Variants in PRDM7 observed in about 807,000 individuals in gnomAD.
PRDM7 encodes the protein histone-lysine N-methyltransferase PRDM7.
In PRDM7, 52 loss-of-function variants were observed where a neutral mutation model predicts 64.3. The ratio of observed to expected loss-of-function variants is 0.81; its 90% CI spans 0.65 to 1.02. PRDM7 has a LOEUF of 1.02. Ranked by LOEUF, PRDM7 falls within the 50% of genes least tolerant of loss-of-function variation. The pLI, the probability that PRDM7 is intolerant of heterozygous loss-of-function variation, is 0.00. For missense variants in PRDM7, 574 were observed against 597.1 expected, an observed-to-expected ratio of 0.96 and a Z score of 0.40; for synonymous variants, 192 against 210.1, an observed-to-expected ratio of 0.91 and a Z score of 0.74.
At position 90,075,539 on chromosome 16, in the gene PRDM7, A is replaced by G; in HGVS notation, c.70-65T>C. ...CACATCGAGCTGGTCCTTTTCCTCT[A>G]CCCTGCGTGTAGGGCATAGCCTGGG... On this transcript the variant is annotated intron_variant, in intron 2 of 10. Transcript: ENST00000449207. This position sits in a 1 kb window ranked among gnomAD's most constrained non-coding sequence, Gnocchi z 4.3. 6.2e-7 allele frequency: 1 copy of G among 1,613,164 alleles called. No homozygotes were observed. Among genetic ancestry groups the G allele is most frequent in the South Asian group, 1.1e-5 (1 of 90,932 alleles).
In PRDM7 at chr16:90,074,660, G is replaced by A. The variant is rs531739369; in HGVS notation, c.301+256C>T. Among the ~76,000 whole-genome samples the A allele has an allele frequency of 4.6e-5, 7 of 152,134 alleles. No homozygotes were observed. The South Asian group carries it at 6.2e-4, about 14-fold the overall frequency. ...AGGCCAAGGTGGGTAGATCACCTGA[G>A]GTCAGGAGTTCGAGACCAGCCTGAC... On this transcript the variant is annotated intron_variant, in intron 4 of 10. Transcript: ENST00000449207.
chr16:90,075,424 C>T lies in PRDM7; in HGVS notation c.120G>A (p.Trp40Ter). 1.2e-6 allele frequency: 2 copies of T among 1,614,170 alleles called. No individual in the cohort carries two copies. Among genetic ancestry groups the T allele is most frequent in the Non-Finnish European group, 1.7e-6 (2 of 1,180,038 alleles). Residue 40 changes from tryptophan to a stop codon, truncating the protein, a stop_gained, in exon 3 of 11, where the codon TGG becomes TGA. Transcript: ENST00000449207. LOFTEE classifies it high-confidence loss of function. The surrounding 1 kb of genome is among the most constrained non-coding windows in gnomAD (Gnocchi z 4.3). ...TTTTCTCCCAGTCTCCCATTTCTGC[C>T]CATTCTTCCTTGGTGAAGTATATGG... ...DISIYFTKEE[W>*]AEMGDWEKTR...
At chr16:90,062,351 G>GT (rs772070705) in intron 7 of PRDM7, 50 bp downstream of exon 7, 1 of 1,613,666 alleles carries the variant, frequency 6.2e-7, no homozygotes, top group Non-Finnish European at 8.5e-7. Flanking sequence ...TGAAATTATT[G>GT]TACCAGGACA....
rs1208987576 is a variant in PRDM7, at chr16:90,066,855, ACTTAC to A, written c.351+1_351+5del. On this transcript the variant is annotated splice_donor_variant and splice_donor_5th_base_variant and intron_variant, in intron 5 of 10. Transcript: ENST00000449207. LOFTEE classifies it high-confidence loss of function. Reference sequence around the variant, plus strand: ...TTCTTGTCAACAGGATTTGGGAGATACTTACCTTCTGGTGTTTACTCTGTTCTCCT... The same window carrying A: ...TTCTTGTCAACAGGATTTGGGAGATACTTCTGGTGTTTACTCTGTTCTCCT... 6.3e-7 allele frequency: 1 copy of A among 1,582,762 alleles called. No individual in the cohort carries two copies. The highest frequency in any genetic ancestry group is 8.7e-7 in the Non-Finnish European group (1 of 1,154,006).
chr16:90,066,218 C>G (rs2037870167), intron 5 of PRDM7, among the ~76,000 whole-genome samples: 4 of 151,384 alleles, frequency 2.6e-5, no homozygotes, highest in Admixed American at 2.6e-4. Context: ...GCTGCTTCCT[C>G]TGATCAGAAT....
Position 90,058,131 on chromosome 16 carries a change from TACCCCC to T in PRDM7, c.*152_*157del. 4 of 1,614,232 alleles carry T rather than the reference TACCCCC, an allele frequency of 2.5e-6. No individual in the cohort carries two copies. The South Asian group carries it at 3.3e-5, about 13-fold the overall frequency. On this transcript the variant is annotated 3_prime_UTR_variant, in exon 11 of 11. Transcript: ENST00000449207. Reference sequence around the variant, plus strand: ...TGACTTTCGCAATTCTTGAGATTCCTACCCCCACAAATAATTTGCCTGTGTTCCCTG... The same window carrying T: ...TGACTTTCGCAATTCTTGAGATTCCTACAAATAATTTGCCTGTGTTCCCTG...
rs2037704178 is a variant in PRDM7, at chr16:90,057,599, C to A, written c.*690G>T. 2 of 757,838 alleles carry A rather than the reference C, an allele frequency of 2.6e-6. No individual in the cohort carries two copies. Among genetic ancestry groups the A allele is most frequent in the South Asian group, 4.7e-5 (2 of 42,754 alleles). The allele number at this position is 757,838 out of a possible 1,614,324, so 46.9% of individuals were successfully genotyped here. ...AAATGGAGGGGATCAGTGCGGGAAA[C>A]AACCACACATGTTGACGTCCCCCGA... On this transcript the variant is annotated 3_prime_UTR_variant, in exon 11 of 11. Coordinates refer to ENST00000449207, the MANE Select transcript of PRDM7 (RefSeq NM_001098173.2).
intron 4 of PRDM7, among the ~76,000 whole-genome samples, chr16:90,067,754 C>A (rs1294773476): frequency 6.6e-6 from 1 of 150,576 alleles, no homozygotes. Context: ...CCACGCCCAG[C>A]TAATTTTTTG....
In PRDM7 at chr16:90,062,411, A is replaced by T; in HGVS notation, c.600T>A (p.Asp200Glu). ...AYKEISEPQD[D>E]DYLYCEMCQN... ...GAAAGGGTCACTCACAGAGGTAGTC[A>T]TCATCCTGTGGCTCGCTGATCTCTT... The change falls in exon 7 of 11, where the codon GAT (aspartate) becomes GAA (glutamate). Residue 200 changes from aspartate to glutamate, a missense_variant. By Grantham distance (45) the Asp-to-Glu change is conservative. Coordinates refer to ENST00000449207, the MANE Select transcript of PRDM7 (RefSeq NM_001098173.2). The T allele has an allele frequency of 3.1e-6, 5 of 1,614,122 alleles. No individual in the cohort carries two copies. Among genetic ancestry groups the T allele is most frequent in the Non-Finnish European group, 4.2e-6 (5 of 1,179,946 alleles).
intron 6 of PRDM7, among the ~76,000 whole-genome samples, chr16:90,063,300 C>T (rs530624967): frequency 2.0e-5 from 3 of 152,178 alleles, no homozygotes; most frequent in South Asian, 2.1e-4. Context: ...CAGCCGGGCA[C>T]GGTGGTGCAC....
chr16:90,071,917 G>A (rs1403966151), intron 4 of PRDM7, among the ~76,000 whole-genome samples: 1 of 152,164 alleles, frequency 6.6e-6, no homozygotes, highest in African/African-American at 2.4e-5. Flanking sequence ...TAAAGGCTGG[G>A]CGCGGTGGCT....
chr16:90,057,858 C>A lies in PRDM7; in HGVS notation c.*431G>T, dbSNP rs1430865001. ...ATGACTTACTCATCCTTCCTGCAGACTGGGGCGTCTCCCCTGTGTGTCCTC... is the reference window on the plus strand; with the variant it reads ...ATGACTTACTCATCCTTCCTGCAGAATGGGGCGTCTCCCCTGTGTGTCCTC... On this transcript the variant is annotated 3_prime_UTR_variant, in exon 11 of 11. Coordinates refer to ENST00000449207, the MANE Select transcript of PRDM7 (RefSeq NM_001098173.2). 2 of 1,523,350 alleles carry A rather than the reference C, an allele frequency of 1.3e-6. No individual in the cohort carries two copies. Among genetic ancestry groups the A allele is most frequent in the Non-Finnish European group, 1.8e-6 (2 of 1,122,140 alleles). The allele number at this position is 1,523,350 out of a possible 1,614,324, so 94.4% of individuals were successfully genotyped here.
At chr16:90,062,335 A>C in intron 7 of PRDM7, 66 bp downstream of exon 7, 1 of 1,613,660 alleles carries the variant, frequency 6.2e-7, no homozygotes, top group Non-Finnish European at 8.5e-7. Context: ...TTTGTGGGCC[A>C]AATGATGAAA....
At chr16:90,069,460 G>C (rs1229152435) in intron 4 of PRDM7, among the ~76,000 whole-genome samples, 1 of 151,356 alleles carries the variant, frequency 6.6e-6, no homozygotes, top group Non-Finnish European at 1.5e-5. Flanking sequence ...ATAACTTCTT[G>C]TATATGACAC....
At chr16:90,069,450 A>G (rs570906087) in intron 4 of PRDM7, among the ~76,000 whole-genome samples, 1 of 151,472 alleles carries the variant, frequency 6.6e-6, no homozygotes, top group Non-Finnish European at 1.5e-5. Context: ...GAAATGAACA[A>G]TAACTTCTTG....
At chr16:90,066,800 C>T in intron 5 of PRDM7, 61 bp downstream of exon 5, 1 of 1,431,334 alleles carries the variant, frequency 7.0e-7, no homozygotes, top group Non-Finnish European at 9.8e-7. Flanking sequence ...TTCTCCTTCT[C>T]TTACCTGTAT....
At position 90,062,046 on chromosome 16, in the gene PRDM7, T is replaced by A. The variant is rs756381706; in HGVS notation, c.757A>T (p.Ile253Phe). 1.9e-5 allele frequency: 31 copies of A among 1,614,144 alleles called. No individual in the cohort carries two copies. The highest frequency in any genetic ancestry group is 2.6e-5 in the Non-Finnish European group (31 of 1,180,054). The change falls in exon 8 of 11, where the codon ATC (isoleucine) becomes TTC (phenylalanine). Residue 253 changes from isoleucine to phenylalanine, a missense_variant. Physicochemically the swap from Ile to Phe is conservative, Grantham distance 21. Coordinates refer to ENST00000449207, the MANE Select transcript of PRDM7 (RefSeq NM_001098173.2). ...PPGLRIGPSG[I>F]PQAGLGVWNE... Reference sequence around the variant, plus strand: ...CATACTCCAAGCCCAGCCTGAGGGATGCCTGATGGCCCAATTCTCAGCCCC... The same window carrying A: ...CATACTCCAAGCCCAGCCTGAGGGAAGCCTGATGGCCCAATTCTCAGCCCC...
At chr16:90,058,735 C>T (rs915158076) in intron 10 of PRDM7, among the ~76,000 whole-genome samples, 2 of 152,090 alleles carry the variant, frequency 1.3e-5, no homozygotes, top group Non-Finnish European at 2.9e-5. Flanking sequence ...CCAGAAATCC[C>T]ACATCTTGGG....
At chr16:90,064,602 C>T (rs1387644552) in intron 5 of PRDM7, among the ~76,000 whole-genome samples, 2 of 151,092 alleles carry the variant, frequency 1.3e-5, no homozygotes, top group Admixed American at 6.6e-5. Context: ...TTATTAGAGA[C>T]GGGGTTTCGC....
Sources: gnomAD v4.1 joint callset for allele counts (sites outside exome capture counted in the v4.1 genomes callset) on GRCh38, gnomAD v4.1.1 for gene constraint, Gnocchi (gnomAD v3.1) non-coding constraint, MANE v1.5 for transcripts, NCBI Gene and HGNC (gene_info 2026-07-23, HGNC 2026-07-21) for gene names.